HDAC5: variants seen among roughly 807,000 people sequenced by gnomAD.
HDAC5 encodes histone deacetylase 5, also known as antigen NY-CO-9.
In HDAC5, 25 loss-of-function variants were observed where a neutral mutation model predicts 133.3. The observed-to-expected ratio is 0.19, with a 90% CI of 0.14 to 0.26. The LOEUF (loss-of-function observed/expected upper bound fraction) is 0.26. Among genes scored for constraint, HDAC5 ranks in the 10% least tolerant of loss-of-function variants. HDAC5 has a pLI of 1.00. For synonymous variants in HDAC5, 589 were observed against 610.8 expected, an observed-to-expected ratio of 0.96 and a Z score of 0.53; for missense variants, 1,041 against 1,460.5, an observed-to-expected ratio of 0.71 and a Z score of 4.68.
Position 44,085,111 on chromosome 17 carries a change from C to T in HDAC5, c.2095G>A (p.Gly699Arg). 3.1e-6 allele frequency: 5 copies of T among 1,604,108 alleles called. No individual in the cohort carries two copies. Among genetic ancestry groups the T allele is most frequent in the African/African-American group, 2.7e-5 (2 of 74,880 alleles). The change falls in exon 15 of 27, where the codon GGG (glycine) becomes AGG (arginine). Residue 699 changes from glycine (G) to arginine (R), a missense_variant. Coordinates refer to ENST00000682912, the MANE Select transcript of HDAC5 (RefSeq NM_005474.5). ...TFMLKHQCMCGNTHVHPEHAG... is the reference protein window; with the variant it reads ...TFMLKHQCMCRNTHVHPEHAG... ...TGCTCAGGGTGCACGTGTGTGTTCC[C>T]GCACATGCACTGGTGCTTTAGCATG...
At chr17:44,093,531 G>A (rs892190270) in intron 4 of HDAC5, 44 bp downstream of exon 4, 23 of 1,597,182 alleles carry the variant, frequency 1.4e-5, no homozygotes, top group East Asian at 4.5e-5. Context: ...AGGCCCGGGC[G>A]GGGATCGGAG....
chr17:44,112,909 G>A (rs987714413), intron 2 of HDAC5, among the ~76,000 whole-genome samples: 1 of 152,182 alleles, frequency 6.6e-6, no homozygotes, highest in Non-Finnish European at 1.5e-5. Context: ...TAGTGCTGGT[G>A]GACATTCAGG....
At chr17:44,098,767 G>A (rs1012399195) in intron 3 of HDAC5, among the ~76,000 whole-genome samples, 21 of 146,856 alleles carry the variant, frequency 1.4e-4, no homozygotes, top group Middle Eastern at 3.9e-3. Flanking sequence ...GAGGGTAGAC[G>A]AAGGGGCACT....
intron 20 of HDAC5, chr17:44,082,375 T>C: frequency 1.7e-6 from 1 of 587,688 alleles, no homozygotes; most frequent in Non-Finnish European, 3.0e-6. Context: ...GCTAAATGTC[T>C]TTCATAGTTG....
intron 23 of HDAC5, 142 bp from the exon 24 acceptor site, chr17:44,079,419 A>T (rs2050272666): frequency 1.4e-6 from 1 of 719,706 alleles, no homozygotes; most frequent in Non-Finnish European, 2.2e-6. Context: ...AGGCGGGCAG[A>T]TCACAAGGTC....
intron 3 of HDAC5, among the ~76,000 whole-genome samples, chr17:44,101,503 A>G (rs553218954): frequency 6.6e-6 from 1 of 152,100 alleles, no homozygotes; most frequent in South Asian, 2.1e-4. Context: ...CGTAGAGTAC[A>G]AGGCATGGGA....
chr17:44,077,722 CTG>C lies in HDAC5; in HGVS notation c.*652_*653del, dbSNP rs1441209297. 6.6e-6 allele frequency: 1 copy of C among 152,354 alleles called. No homozygotes were observed. The highest frequency in any genetic ancestry group is 6.5e-5 in the Admixed American group (1 of 15,284). 9.4% of individuals were successfully genotyped at this position (152,354 alleles called of 1,614,324 possible). A position where few individuals can be genotyped will look rare whatever the true frequency, so the allele number is the denominator to read the frequency against. On this transcript the variant is annotated 3_prime_UTR_variant, in exon 27 of 27. Coordinates refer to ENST00000682912, the MANE Select transcript of HDAC5 (RefSeq NM_005474.5). ...TCAGCCCCGGGGAAGGGGAAGTAGGCTGTGAGGAGTGTGAGGCAAGACAGCCC... is the reference window on the plus strand; with the variant it reads ...TCAGCCCCGGGGAAGGGGAAGTAGGCTGAGGAGTGTGAGGCAAGACAGCCC...
intron 12 of HDAC5, among the ~76,000 whole-genome samples, chr17:44,087,941 T>C (rs1171482675): frequency 6.6e-6 from 1 of 152,050 alleles, no homozygotes; most frequent in Non-Finnish European, 1.5e-5. Context: ...CCTTCCAAAT[T>C]CAAGCGATTC....
chr17:44,080,913 T>A, intron 20 of HDAC5, 31 bp from the exon 21 acceptor site: 1 of 1,613,916 alleles, frequency 6.2e-7, no homozygotes, highest in South Asian at 1.1e-5. Flanking sequence ...ATCGGGAAAA[T>A]GGCCCGCGCT....
rs764334015 is a variant in HDAC5, at chr17:44,091,502, G to A, written c.1165-10C>T. On this transcript the variant is annotated splice_polypyrimidine_tract_variant and intron_variant, in intron 10 of 26. Coordinates refer to ENST00000682912, the MANE Select transcript of HDAC5 (RefSeq NM_005474.5). The stretch of plus-strand genomic sequence containing the variant: ...ACAGCTTCGGGGAGGCCTGGGGGGT[G>A]AAGGGAGGGGCTTATACAGCCTCAG... 5.2e-6 allele frequency: 8 copies of A among 1,544,984 alleles called. No individual in the cohort carries two copies. The South Asian group carries it at 8.9e-5, about 17-fold the overall frequency.
chr17:44,085,231 A>G, intron 14 of HDAC5, 76 bp from the exon 15 acceptor site: 1 of 1,415,572 alleles, frequency 7.1e-7, no homozygotes. Flanking sequence ...GATCCTCAGC[A>G]GGGCTCATGG....
intron 3 of HDAC5, among the ~76,000 whole-genome samples, chr17:44,094,563 G>T (rs1450608560): frequency 6.6e-6 from 1 of 152,052 alleles, no homozygotes; most frequent in Non-Finnish European, 1.5e-5. Flanking sequence ...CTTGAACCCT[G>T]GAGGTGGAGG....
intron 11 of HDAC5, 97 bp from the exon 12 acceptor site, chr17:44,088,695 A>G (rs1255273094): frequency 1.3e-6 from 2 of 1,491,576 alleles, no homozygotes; most frequent in Non-Finnish European, 9.0e-7. Flanking sequence ...CCTCTGGCAT[A>G]TCACCACCTA....
intron 3 of HDAC5, among the ~76,000 whole-genome samples, chr17:44,105,737 C>T (rs903781469): frequency 1.3e-5 from 2 of 152,160 alleles, no homozygotes; most frequent in Admixed American, 6.5e-5. Flanking sequence ...CTTTCTAGGG[C>T]GACAGCCTCC....
intron 3 of HDAC5, among the ~76,000 whole-genome samples, chr17:44,109,299 C>T (rs2052188359): frequency 6.6e-6 from 1 of 152,166 alleles, no homozygotes. Context: ...GGGTCTTTAG[C>T]TGGACCTGTG....
Position 44,123,519 on chromosome 17 carries a change from C to G in HDAC5, c.-205G>C. 1 of 392,640 alleles carries G rather than the reference C, an allele frequency of 2.5e-6. No individual in the cohort carries two copies. The highest frequency in any genetic ancestry group is 4.5e-6 in the Non-Finnish European group (1 of 223,382). 24.3% of individuals were successfully genotyped at this position (392,640 alleles called of 1,614,324 possible). A position where few individuals can be genotyped will look rare whatever the true frequency, so the allele number is the denominator to read the frequency against. On this transcript the variant is annotated 5_prime_UTR_variant, in exon 1 of 27. Transcript: ENST00000682912. Reference sequence around the variant, plus strand: ...GCGCGCTCACCCGCTGCGGCTCGAGCTCCGGCTTCGCGGGCGGCGGCGGCA... The same window carrying G: ...GCGCGCTCACCCGCTGCGGCTCGAGGTCCGGCTTCGCGGGCGGCGGCGGCA...
chr17:44,086,732 G>A lies in HDAC5; in HGVS notation c.1890C>T (p.Phe630=). The A allele has an allele frequency of 7.7e-7, 1 of 1,295,126 alleles. No individual in the cohort carries two copies. The allele number at this position is 1,295,126 out of a possible 1,614,324, so 80.2% of individuals were successfully genotyped here. A position where few individuals can be genotyped will look rare whatever the true frequency, so the allele number is the denominator to read the frequency against. Reference sequence around the variant, plus strand: ...AAGGCTGCAGCGGCTGGGCATCTGAGAACAGCTGGAGGGGAGAATGGGAGG... The same window carrying A: ...AAGGCTGCAGCGGCTGGGCATCTGAAAACAGCTGGAGGGGAGAATGGGAGG... ...EEPGAGYKKL[F]SDAQPLQPLQ... The change falls in exon 14 of 27, where the codon TTC becomes TTT. Residue 630 remains phenylalanine (F), a synonymous_variant. Transcript: ENST00000682912.
intron 3 of HDAC5, among the ~76,000 whole-genome samples, chr17:44,100,578 CAAAAAAAAAA>C (rs869274112): frequency 1.3e-4 from 12 of 89,374 alleles, no homozygotes; most frequent in African/African-American, 5.3e-4. Flanking sequence ...ACTAAAGATA[CAAAAAAAAAA>C]AAAAAAAAAA....
chr17:44,123,185 C>T (rs1399481202), intron 1 of HDAC5: 1 of 228,584 alleles, frequency 4.4e-6, no homozygotes, highest in Non-Finnish European at 8.4e-6. Context: ...AGGGGCAAAT[C>T]AGACAACCCC....
Sources: allele counts gnomAD v4.1 joint callset (sites outside exome capture counted in the v4.1 genomes callset), GRCh38; gene constraint gnomAD v4.1.1; transcripts MANE v1.5; gene names NCBI Gene and HGNC (gene_info 2026-07-23, HGNC 2026-07-21).